The following NUP155 variants were observed in gnomAD, a reference collection of about 807,000 sequenced individuals.
NUP155 encodes nuclear pore complex protein Nup155.
A neutral mutation model predicts 180.4 loss-of-function variants in NUP155; 71 were observed. The observed-to-expected ratio is 0.39, with a 90% CI of 0.33 to 0.48. The LOEUF is 0.48. Among genes scored for constraint, NUP155 ranks in the 20% least tolerant of loss-of-function variants. The pLI is 0.91. For missense variants in NUP155, 1,553 were observed against 1,648.9 expected (o/e 0.94, Z 1.01); for synonymous variants, 582 against 559.5 (o/e 1.04, Z -0.57).
chr5:37,341,057 T>A (rs375888519), intron 11 of NUP155, 33 bp downstream of exon 11: 1 of 1,510,052 alleles, frequency 6.6e-7, no homozygotes, highest in African/African-American at 1.4e-5. Context: ...TTTAAGAATA[T>A]AATCTTAAAT....
chr5:37,303,202 G>GT (rs1408255859), intron 28 of NUP155, 58 bp downstream of exon 28: 5 of 1,570,406 alleles, frequency 3.2e-6, no homozygotes, highest in African/African-American at 1.4e-5. Flanking sequence ...AAAACTGAAT[G>GT]TAAGTACATA....
At position 37,314,322 on chromosome 5, in the gene NUP155, T is replaced by A. The variant is rs758309880; in HGVS notation, c.2312A>T (p.Gln771Leu). The change falls in exon 22 of 35, where the codon CAA (glutamine) becomes CTA (leucine). Residue 771 changes from glutamine to leucine, a missense_variant. By Grantham distance (113) the Gln-to-Leu change is moderately radical. Transcript: ENST00000231498. ...CTGAAGTGAAATCTTTTCACTTAGTTGAGCCTCTAATGAGAAAACAAAATA... is the reference window on the plus strand; with the variant it reads ...CTGAAGTGAAATCTTTTCACTTAGTAGAGCCTCTAATGAGAAAACAAAATA... Reference protein sequence around the residue: ...QELQRKFHEAQLSEKISLQAI... With the variant: ...QELQRKFHEALLSEKISLQAI... The A allele has an allele frequency of 6.2e-7, 1 of 1,602,966 alleles. No homozygotes were observed. Among genetic ancestry groups the A allele is most frequent in the South Asian group, 1.1e-5 (1 of 90,114 alleles).
At chr5:37,342,805 C>T (rs190564651) in intron 9 of NUP155, among the ~76,000 whole-genome samples, 159 bp from the exon 10 acceptor site, 4 of 152,152 alleles carry the variant, frequency 2.6e-5, no homozygotes, top group South Asian at 2.1e-4. Context: ...GGCGTGATCT[C>T]GGCTCACTGC....
chr5:37,370,372 CAATAAATAAACA>C (rs1747881909), intron 1 of NUP155, among the ~76,000 whole-genome samples: 1 of 152,052 alleles, frequency 6.6e-6, no homozygotes, highest in African/African-American at 2.4e-5. Flanking sequence ...CGCTCCGTCT[CAATAAATAAACA>C]AATAAATATA....
rs3835198 is a variant in NUP155 at position 37,309,269 on chromosome 5, TAGA to T, written c.2629-5_2629-3del. On this transcript the variant is annotated splice_region_variant and splice_polypyrimidine_tract_variant and intron_variant, in intron 23 of 34. Coordinates refer to ENST00000231498, the MANE Select transcript of NUP155 (RefSeq NM_153485.3). ...GGAACGCTGGAGAAGCTCATTTGCC[TAGA>T]AGAGGAGATAACAAGAACTTAAAAA... is the stretch of plus-strand genomic sequence containing the variant. The T allele has an allele frequency of 0.29, 461,860 of 1,607,574 alleles. 68,384 individuals carry two copies. The highest frequency in any genetic ancestry group is 0.39 in the Middle Eastern group (2,361 of 6,048).
At chr5:37,320,880 C>A (rs1744199741) in intron 20 of NUP155, among the ~76,000 whole-genome samples, 1 of 152,058 alleles carries the variant, frequency 6.6e-6, no homozygotes, top group African/African-American at 2.4e-5. Flanking sequence ...TTAATGCTGA[C>A]TGAGATGCAT....
Position 37,341,326 on chromosome 5 carries a change from A to G in NUP155, c.1094-84T>C. On this transcript the variant is annotated intron_variant, in intron 10 of 34. Transcript: ENST00000231498. ...GTTATTGAAGCAATTACATACAGCA[A>G]TGCAACACTCTGCTAAAACCATACA... 2.7e-6 allele frequency: 3 copies of G among 1,097,570 alleles called. No homozygotes were observed. The South Asian group carries it at 3.8e-5, about 14-fold the overall frequency. The allele number at this position is 1,097,570 out of a possible 1,614,324, so 68.0% of individuals were successfully genotyped here.
At chr5:37,299,877 TAAA>T (rs11346142) in intron 30 of NUP155, among the ~76,000 whole-genome samples, 2 of 145,844 alleles carry the variant, frequency 1.4e-5, no homozygotes, top group African/African-American at 2.5e-5. Context: ...TACTAAAATT[TAAA>T]AAAAAAAAAA....
rs772693068 is a variant in NUP155 at position 37,291,922 on chromosome 5, G to T, written c.4154C>A (p.Ala1385Asp). 4.3e-6 allele frequency: 7 copies of T among 1,613,978 alleles called. No homozygotes were observed. In the South Asian group the frequency reaches 6.6e-5, roughly 15 times the overall value. Reference sequence around the variant, plus strand: ...TAATTAATGAAGCCGTTCTAATTTAGCTTGAAGAGATTTAAAATTCCCAGT... The same window carrying T: ...TAATTAATGAAGCCGTTCTAATTTATCTTGAAGAGATTTAAAATTCCCAGT... The part of the protein sequence containing the change: ...AITGNFKSLQ[A>D]KLERLH The change falls in exon 35 of 35, where the codon GCT (alanine) becomes GAT (aspartate). Residue 1385 changes from alanine to aspartate, a missense_variant. By Grantham distance (126) the Ala-to-Asp change is moderately radical (BLOSUM62 -2). Transcript: ENST00000231498.
rs76290918 is a variant in NUP155 at position 37,368,960 on chromosome 5, C to T, written c.157+1861G>A. ...AACTTTAGTGAGGATGGGAATGCTA[C>T]GAAAGACTTCAGGCCAGGAGTGTGA... On this transcript the variant is annotated intron_variant, in intron 1 of 34. Transcript: ENST00000231498. 6.1e-3 allele frequency among the ~76,000 whole-genome samples: 929 copies of T among 152,302 alleles called. 11 individuals carry two copies. Among genetic ancestry groups the T allele is most frequent in the African/African-American group, 0.021 (879 of 41,570 alleles).
intron 6 of NUP155, among the ~76,000 whole-genome samples, 172 bp from the exon 7 acceptor site, chr5:37,350,437 G>A (rs1010880011): frequency 6.6e-6 from 1 of 152,036 alleles, no homozygotes; most frequent in South Asian, 2.1e-4. Context: ...TAACTACTGA[G>A]TTTAGCCCAT....
intron 4 of NUP155, among the ~76,000 whole-genome samples, chr5:37,356,971 G>A (rs374370197): frequency 1.3e-5 from 2 of 152,054 alleles, no homozygotes; most frequent in African/African-American, 2.4e-5. Context: ...GCTGGGCATG[G>A]TGGCACATGC....
chr5:37,294,233 T>C (rs550562003), intron 33 of NUP155, 96 bp downstream of exon 33: 38 of 837,672 alleles, frequency 4.5e-5, no homozygotes, highest in East Asian at 4.1e-4. Flanking sequence ...GACTAAGTGA[T>C]AGGATACAAA....
rs1561795673 is a variant in NUP155 at position 37,337,924 on chromosome 5, A to C, written c.1247-6T>G. On this transcript the variant is annotated splice_region_variant and splice_polypyrimidine_tract_variant and intron_variant, in intron 11 of 34. Coordinates refer to ENST00000231498, the MANE Select transcript of NUP155 (RefSeq NM_153485.3). The stretch of plus-strand genomic sequence containing the variant: ...GGCTGCCATCAATAGAATACCTAAA[A>C]GTTTAATATACAAAATATTATTACA... 6.8e-7 allele frequency: 1 copy of C among 1,463,864 alleles called. No individual in the cohort carries two copies. Among genetic ancestry groups the C allele is most frequent in the Non-Finnish European group, 9.6e-7 (1 of 1,044,972 alleles). 90.7% of individuals were successfully genotyped at this position (1,463,864 alleles called of 1,614,324 possible). A position where few individuals can be genotyped will look rare whatever the true frequency, so the allele number is the denominator to read the frequency against.
intron 19 of NUP155, among the ~76,000 whole-genome samples, chr5:37,325,210 G>C (rs1744509863): frequency 6.6e-6 from 1 of 152,070 alleles, no homozygotes; most frequent in East Asian, 1.9e-4. Context: ...CCAATTCATA[G>C]AAATTAGTGC....
intron 20 of NUP155, among the ~76,000 whole-genome samples, chr5:37,320,168 A>G (rs1168593957): frequency 6.6e-6 from 1 of 152,016 alleles, no homozygotes; most frequent in Non-Finnish European, 1.5e-5. Flanking sequence ...AAAAGAAAAA[A>G]AAAGAGAAAA....
rs73749012 is a variant in NUP155 at position 37,305,249 on chromosome 5, C to G, written c.2904-39G>C. The G allele has an allele frequency of 2.6e-3, 4,122 of 1,563,980 alleles. 81 individuals carry two copies. In the African/African-American group the frequency reaches 0.05, roughly 19 times the overall value. ...GAAAAGGAACAATTACATTATTTAA[C>G]TAGAAAGCAAATGATGGTAAGTGTG... On this transcript the variant is annotated intron_variant, in intron 25 of 34. Coordinates refer to ENST00000231498, the MANE Select transcript of NUP155 (RefSeq NM_153485.3).
At chr5:37,319,848 G>A (rs770056528) in intron 20 of NUP155, among the ~76,000 whole-genome samples, 9 of 152,236 alleles carry the variant, frequency 5.9e-5, no homozygotes, top group Non-Finnish European at 1.3e-4. Context: ...TCCGGCCTGG[G>A]CAACAGAGTG....
chr5:37,308,373 TA>T (rs1309896438), intron 24 of NUP155, among the ~76,000 whole-genome samples: 25 of 151,934 alleles, frequency 1.6e-4, no homozygotes, highest in Middle Eastern at 6.8e-3. Context: ...GCTAACATGG[TA>T]AAACCCCACC....
Sources: gnomAD v4.1 joint callset for allele counts (sites outside exome capture counted in the v4.1 genomes callset) on GRCh38, gnomAD v4.1.1 for gene constraint, MANE v1.5 for transcripts, NCBI Gene and HGNC (gene_info 2026-07-23, HGNC 2026-07-21) for gene names.